Variants in SMYD3 observed in about 807,000 individuals in gnomAD.
SMYD3 encodes the protein histone-lysine N-methyltransferase SMYD3.
In SMYD3, 36 loss-of-function variants were observed where a neutral mutation model predicts 57.7. The ratio of observed to expected loss-of-function variants is 0.62; its 90% CI spans 0.48 to 0.82. The LOEUF is 0.82. SMYD3 is among the 40% of genes least tolerant of loss of function. SMYD3 has a pLI of 0.00. For missense variants in SMYD3, 515 were observed against 538.8 expected (o/e 0.96, Z 0.44); for synonymous variants, 211 against 195.0 (o/e 1.08, Z -0.68).
intron 10 of SMYD3, among the ~76,000 whole-genome samples, chr1:245,829,530 A>C (rs993685627): frequency 1.1e-4 from 16 of 152,230 alleles, no homozygotes; most frequent in African/African-American, 3.6e-4. Flanking sequence ...TTACTCTCAT[A>C]TATTACTGGT....
At chr1:246,004,268 T>C (rs12119262) in intron 5 of SMYD3, among the ~76,000 whole-genome samples, 75,431 of 152,066 alleles carry the variant, frequency 0.5, 21,461 homozygotes, top group Non-Finnish European at 0.65. Context: ...CTGATTTGTT[T>C]TATAAAAATG....
Position 245,929,852 on chromosome 1 carries a change from A to T in SMYD3, c.599+18T>A. 1 of 1,596,942 alleles carries T rather than the reference A, an allele frequency of 6.3e-7. No homozygotes were observed. The highest frequency in any genetic ancestry group is 8.6e-7 in the Non-Finnish European group (1 of 1,164,498). ...ATGAAAGTGTGTCTTCCAGTACATG[A>T]AGTACCATACACCATACCTGGGATA... On this transcript the variant is annotated intron_variant, in intron 6 of 11. Transcript: ENST00000490107.
chr1:246,307,786 A>C (rs2065011679), intron 5 of SMYD3, among the ~76,000 whole-genome samples: 1 of 152,174 alleles, frequency 6.6e-6, no homozygotes, highest in Non-Finnish European at 1.5e-5. Context: ...AGTGAGGCTC[A>C]CTAGAACAGC....
chr1:246,365,498 A>T (rs1385034459), intron 1 of SMYD3, among the ~76,000 whole-genome samples: 1 of 91,634 alleles, frequency 1.1e-5, no homozygotes, highest in East Asian at 8.9e-4. Flanking sequence ...CTGTCTAAAA[A>T]AAAAAAAAAA....
At chr1:245,971,043 A>T (rs1467420015) in intron 5 of SMYD3, among the ~76,000 whole-genome samples, 1 of 152,218 alleles carries the variant, frequency 6.6e-6, no homozygotes, top group Non-Finnish European at 1.5e-5. Context: ...ACTTGCAACC[A>T]ATCTAAATGT....
chr1:246,453,435 T>C (rs1407340226), intron 1 of SMYD3, among the ~76,000 whole-genome samples: 3 of 152,228 alleles, frequency 2.0e-5, no homozygotes, highest in South Asian at 2.1e-4. Flanking sequence ...GATGCTTCTA[T>C]ATGTAAACAA....
intron 5 of SMYD3, among the ~76,000 whole-genome samples, chr1:246,164,922 G>A (rs557685992): frequency 1.8e-4 from 27 of 152,302 alleles, no homozygotes; most frequent in African/African-American, 6.5e-4. Flanking sequence ...AGCTAACTTT[G>A]GGAGTCAGCC....
At chr1:245,925,013 C>T (rs1314157496) in intron 7 of SMYD3, among the ~76,000 whole-genome samples, 1 of 149,884 alleles carries the variant, frequency 6.7e-6, no homozygotes, top group African/African-American at 2.5e-5. Flanking sequence ...ATTTACTCAA[C>T]AAATGTTGAT....
intron 5 of SMYD3, among the ~76,000 whole-genome samples, chr1:246,292,918 G>A (rs2064723222): frequency 6.6e-6 from 1 of 152,090 alleles, no homozygotes; most frequent in Non-Finnish European, 1.5e-5. Context: ...TTAATGCTAA[G>A]TATTAAGACT....
chr1:246,219,915 G>A (rs11584653), intron 5 of SMYD3, among the ~76,000 whole-genome samples: 13,416 of 152,130 alleles, frequency 0.088, 1,054 homozygotes, highest in East Asian at 0.24. Context: ...TGACTCCAGC[G>A]ACCATGTACT....
chr1:245,798,106 A>G (rs976219148), intron 10 of SMYD3, among the ~76,000 whole-genome samples: 1 of 140,848 alleles, frequency 7.1e-6, no homozygotes, highest in Admixed American at 6.9e-5. Context: ...TTTTTAAAAT[A>G]TGCAACTCTT....
intron 8 of SMYD3, among the ~76,000 whole-genome samples, chr1:245,884,689 C>A (rs1221737722): frequency 6.6e-6 from 1 of 152,016 alleles, no homozygotes; most frequent in Non-Finnish European, 1.5e-5. Context: ...TGAGTGGGGA[C>A]TTGGAGAACT....
intron 8 of SMYD3, among the ~76,000 whole-genome samples, chr1:245,866,317 CTGTG>C (rs60384104): frequency 0.059 from 8,989 of 151,402 alleles, 885 homozygotes; most frequent in African/African-American, 0.21. Flanking sequence ...TGCTGTGTGT[CTGTG>C]TGATATAGTA....
At chr1:245,867,406 A>C (rs1163009335) in intron 8 of SMYD3, among the ~76,000 whole-genome samples, 1 of 152,238 alleles carries the variant, frequency 6.6e-6, no homozygotes, top group Non-Finnish European at 1.5e-5. Flanking sequence ...TACAGCAGCC[A>C]CAGAAAATGT....
intron 5 of SMYD3, among the ~76,000 whole-genome samples, chr1:246,268,191 G>T (rs903602324): frequency 6.6e-6 from 1 of 152,118 alleles, no homozygotes; most frequent in African/African-American, 2.4e-5. Flanking sequence ...CAAGATAAAG[G>T]TCATAAAGAC....
At chr1:246,109,305 C>A (rs1211718227) in intron 5 of SMYD3, among the ~76,000 whole-genome samples, 1 of 152,164 alleles carries the variant, frequency 6.6e-6, no homozygotes, top group Non-Finnish European at 1.5e-5. Context: ...AAACAGCTCA[C>A]ATACAATTTT....
chr1:246,128,333 C>T (rs1398642913), intron 5 of SMYD3, among the ~76,000 whole-genome samples: 2 of 152,132 alleles, frequency 1.3e-5, no homozygotes, highest in African/African-American at 4.8e-5. Flanking sequence ...TGCCTCCTAC[C>T]TCTAGAATAT....
intron 5 of SMYD3, among the ~76,000 whole-genome samples, chr1:246,277,988 C>A (rs1315995065): frequency 6.6e-6 from 1 of 152,050 alleles, no homozygotes. Flanking sequence ...TGTTAATACC[C>A]AAAGTATATA....
At chr1:245,750,022 T>C (rs1373549355) in intron 11 of SMYD3, among the ~76,000 whole-genome samples, 1 of 152,192 alleles carries the variant, frequency 6.6e-6, no homozygotes, top group Non-Finnish European at 1.5e-5. Flanking sequence ...CCTTAAAATT[T>C]TTCTTTATTG....
Sources: gnomAD v4.1 joint callset for allele counts (sites outside exome capture counted in the v4.1 genomes callset) on GRCh38, gnomAD v4.1.1 for gene constraint, MANE v1.5 for transcripts, NCBI Gene and HGNC (gene_info 2026-07-23, HGNC 2026-07-21) for gene names.